The following CTNNA3 variants were observed in gnomAD, a reference collection of about 807,000 sequenced individuals.
CTNNA3 encodes the protein catenin alpha-3.
In CTNNA3, 76 loss-of-function variants were observed where a neutral mutation model predicts 95.7. That is an observed-to-expected ratio of 0.79 (90% CI 0.66 to 0.96). CTNNA3 has a LOEUF of 0.96. Ranked by LOEUF, CTNNA3 falls within the 40% of genes least tolerant of loss-of-function variation. The probability of loss-of-function intolerance (pLI) is 0.00; values close to 1 mark genes in which losing one functional copy is unlikely to be tolerated. For missense variants in CTNNA3, 1,191 were observed against 1,089.8 expected (o/e 1.09, Z -1.31); for synonymous variants, 431 against 374.4 (o/e 1.15, Z -1.74).
At chr10:67,540,291 T>C (rs1840635367) in intron 3 of CTNNA3, among the ~76,000 whole-genome samples, 1 of 151,962 alleles carries the variant, frequency 6.6e-6, no homozygotes, top group African/African-American at 2.4e-5. Flanking sequence ...TTCAAAAGGG[T>C]ATAAAATGAA....
chr10:66,927,378 G>T lies in CTNNA3; in HGVS notation c.1048-151854C>A. On this transcript the variant is annotated intron_variant, in intron 7 of 17. Transcript: ENST00000433211. The surrounding 1 kb of genome is among the most constrained non-coding windows in gnomAD (Gnocchi z 4.7). The stretch of plus-strand genomic sequence containing the variant: ...ATTCTCTGGGATCTGAACAGTTTCG[G>T]GGCTTGCGGAAGCTGCTGAGTTTAC... 3 of 1,614,128 alleles carry T rather than the reference G, an allele frequency of 1.9e-6. No homozygotes were observed. The highest frequency in any genetic ancestry group is 2.5e-6 in the Non-Finnish European group (3 of 1,180,028).
At chr10:66,582,127 C>G (rs12414942) in intron 10 of CTNNA3, among the ~76,000 whole-genome samples, 30,273 of 151,544 alleles carry the variant, frequency 0.2, 3,571 homozygotes, top group African/African-American at 0.33. Flanking sequence ...ACTATTTGGG[C>G]TATTTTTTGG....
At chr10:66,776,880 AT>A (rs551553233) in intron 7 of CTNNA3, among the ~76,000 whole-genome samples, 2 of 151,958 alleles carry the variant, frequency 1.3e-5, no homozygotes, top group African/African-American at 2.4e-5. Flanking sequence ...ATATATCTCA[AT>A]TTTTTTTCTA....
intron 5 of CTNNA3, among the ~76,000 whole-genome samples, chr10:67,413,123 CA>C (rs1418384275): frequency 1.3e-5 from 2 of 152,064 alleles, no homozygotes; most frequent in Non-Finnish European, 2.9e-5. Context: ...ATGACACCCA[CA>C]AACTCAACGT....
At chr10:67,297,654 A>G (rs1840102016) in intron 5 of CTNNA3, among the ~76,000 whole-genome samples, 2 of 152,342 alleles carry the variant, frequency 1.3e-5, no homozygotes, top group East Asian at 3.9e-4. Context: ...ATGGGAGTGT[A>G]AATCACCTGC....
At chr10:66,318,614 A>G (rs1407297463) in intron 12 of CTNNA3, among the ~76,000 whole-genome samples, 2 of 151,870 alleles carry the variant, frequency 1.3e-5, no homozygotes, top group Non-Finnish European at 2.9e-5. Context: ...CTTTATTTCC[A>G]TGTTTCTAGG....
At chr10:67,291,937 AG>A (rs1228419048) in intron 5 of CTNNA3, among the ~76,000 whole-genome samples, 1 of 152,198 alleles carries the variant, frequency 6.6e-6, no homozygotes, top group Non-Finnish European at 1.5e-5. Context: ...CCAAAGATGC[AG>A]GGGAAATTGT....
intron 12 of CTNNA3, among the ~76,000 whole-genome samples, chr10:66,320,928 G>A (rs2092175572): frequency 6.6e-6 from 1 of 151,834 alleles, no homozygotes; most frequent in East Asian, 1.9e-4. Context: ...CCAAAATTTT[G>A]GCCTTTAAAA....
intron 5 of CTNNA3, among the ~76,000 whole-genome samples, chr10:67,355,683 G>T (rs1833010676): frequency 6.6e-6 from 1 of 151,588 alleles, no homozygotes; most frequent in African/African-American, 2.4e-5. Context: ...ATCATTAAAA[G>T]TCAAGGTAGC....
At chr10:65,926,255 G>A (rs2133125044) in intron 17 of CTNNA3, among the ~76,000 whole-genome samples, 1 of 151,434 alleles carries the variant, frequency 6.6e-6, no homozygotes, top group Admixed American at 6.6e-5. Context: ...AGGTAGTTTG[G>A]AGCTACTTAA....
chr10:66,076,014 T>G (rs2080548940), intron 14 of CTNNA3, among the ~76,000 whole-genome samples: 1 of 151,674 alleles, frequency 6.6e-6, no homozygotes, highest in East Asian at 1.9e-4. Context: ...TATTAGAGAA[T>G]TTCTAATTAA....
intron 7 of CTNNA3, among the ~76,000 whole-genome samples, chr10:67,037,127 A>C (rs959895002): frequency 3.9e-5 from 6 of 152,250 alleles, no homozygotes; most frequent in Middle Eastern, 6.8e-3. Context: ...TATTATAAGG[A>C]CTTTACATTT....
At chr10:67,155,096 T>C (rs1388107953) in intron 7 of CTNNA3, among the ~76,000 whole-genome samples, 2 of 152,228 alleles carry the variant, frequency 1.3e-5, no homozygotes, top group Non-Finnish European at 2.9e-5. Flanking sequence ...AGGACTACTG[T>C]TTATGTCTAT....
intron 15 of CTNNA3, among the ~76,000 whole-genome samples, chr10:66,050,762 C>T (rs1470061537): frequency 1.3e-5 from 2 of 152,164 alleles, no homozygotes; most frequent in Non-Finnish European, 2.9e-5. Context: ...GCTACTCATC[C>T]TATCAGATTG....
rs555946510 is a variant in CTNNA3, at chr10:66,399,255, T to C, written c.1532-19903A>G. On this transcript the variant is annotated intron_variant, in intron 11 of 17. Transcript: ENST00000433211. ...TTGACTGTGAATATTTTCTCAATGC[T>C]GTGTATCCATGGGCTCTGATTTATT... 2.0e-5 allele frequency among the ~76,000 whole-genome samples: 3 copies of C among 151,986 alleles called. No homozygotes were observed. The South Asian group carries it at 6.2e-4, about 31-fold the overall frequency.
At chr10:66,655,828 T>C (rs1202006781) in intron 9 of CTNNA3, among the ~76,000 whole-genome samples, 1 of 152,016 alleles carries the variant, frequency 6.6e-6, no homozygotes, top group Non-Finnish European at 1.5e-5. Flanking sequence ...AAGTACACAA[T>C]TTTAGGAGCA....
intron 7 of CTNNA3, among the ~76,000 whole-genome samples, chr10:66,894,153 T>C (rs1217582400): frequency 1.3e-5 from 2 of 152,028 alleles, no homozygotes; most frequent in African/African-American, 2.4e-5. Flanking sequence ...TCACATGTTC[T>C]CAAAACAACT....
At chr10:66,449,143 A>T (rs2093445135) in intron 11 of CTNNA3, among the ~76,000 whole-genome samples, 1 of 152,126 alleles carries the variant, frequency 6.6e-6, no homozygotes, top group South Asian at 2.1e-4. Flanking sequence ...GAGAATGCTT[A>T]AAAAAATGAG....
intron 7 of CTNNA3, among the ~76,000 whole-genome samples, chr10:67,146,265 T>A (rs959356482): frequency 1.3e-5 from 2 of 152,236 alleles, no homozygotes; most frequent in African/African-American, 4.8e-5. Flanking sequence ...GCAACATTTT[T>A]AAGAACATAT....
Sources: allele counts gnomAD v4.1 joint callset (sites outside exome capture counted in the v4.1 genomes callset), GRCh38; gene constraint gnomAD v4.1.1; non-coding constraint Gnocchi (gnomAD v3.1); transcripts MANE v1.5; gene names NCBI Gene and HGNC (gene_info 2026-07-23, HGNC 2026-07-21).